The following ZNF114 variants were observed in gnomAD, a reference collection of about 807,000 sequenced individuals.
The protein encoded by ZNF114 is zinc finger protein 114 (Y18).
In ZNF114, 8 loss-of-function variants were observed where a neutral mutation model predicts 6.8. The ratio of observed to expected loss-of-function variants is 1.18; its 90% CI spans 0.69 to 2.13. The LOEUF (loss-of-function observed/expected upper bound fraction) is 2.13, where lower values mean the gene tolerates loss of function less well. ZNF114 is among the 30% of genes most tolerant of loss of function. The probability of loss-of-function intolerance (pLI) is 0.00; values close to 1 mark genes in which losing one functional copy is unlikely to be tolerated. For synonymous variants in ZNF114, 169 were observed against 185.5 expected (o/e 0.91, Z 0.72); for missense variants, 472 against 519.5 (o/e 0.91, Z 0.89).
chr19:48,286,950 G>C lies in ZNF114; in HGVS notation c.*72G>C. 6.8e-7 allele frequency: 1 copy of C among 1,469,608 alleles called. No individual in the cohort carries two copies. Among genetic ancestry groups the C allele is most frequent in the Non-Finnish European group, 9.1e-7 (1 of 1,102,186 alleles). The allele number at this position is 1,469,608 out of a possible 1,614,324, so 91.0% of individuals were successfully genotyped here. ...TGTGAGGAGGACATATTGGAAGGGA[G>C]CTCAAGGGGTTAGCATGAGTGAGAA... On this transcript the variant is annotated 3_prime_UTR_variant, in exon 6 of 6. Transcript: ENST00000595607.
At chr19:48,285,693 T>C in intron 5 of ZNF114, 68 bp from the exon 6 acceptor site, 1 of 1,504,906 alleles carries the variant, frequency 6.6e-7, no homozygotes, top group South Asian at 1.4e-5. Context: ...GGAGATTGCC[T>C]ATGTCATCAT....
In ZNF114 at chr19:48,286,937, A is replaced by G; in HGVS notation, c.*59A>G. 2 of 1,505,586 alleles carry G rather than the reference A, an allele frequency of 1.3e-6. No homozygotes were observed. Among genetic ancestry groups the G allele is most frequent in the African/African-American group, 1.4e-5 (1 of 71,534 alleles). The allele number at this position is 1,505,586 out of a possible 1,614,324, so 93.3% of individuals were successfully genotyped here. The stretch of plus-strand genomic sequence containing the variant: ...ACTGTACCAAACATGTGAGGAGGAC[A>G]TATTGGAAGGGAGCTCAAGGGGTTA... On this transcript the variant is annotated 3_prime_UTR_variant, in exon 6 of 6. Coordinates refer to ENST00000595607, the MANE Select transcript of ZNF114 (RefSeq NM_153608.4).
intron 1 of ZNF114, 21 bp from the exon 2 acceptor site, chr19:48,271,220 CCTGT>C (rs1235481067): frequency 3.3e-5 from 5 of 152,178 alleles, no homozygotes; most frequent in African/African-American, 7.2e-5. Flanking sequence ...GACTCCCCAA[CCTGT>C]CTGTTTCCGC....
At position 48,286,506 on chromosome 19, in the gene ZNF114, CAA is replaced by C; in HGVS notation, c.883_884del (p.Lys295GlufsTer10). On this transcript the variant is annotated frameshift_variant, in exon 6 of 6. Transcript: ENST00000595607. LOFTEE classifies it low-confidence loss of function (END_TRUNC). ...SANAPNSGSH[K>X]SHCTGEKTHK... ...CCAACGCTCCAAATTCCGGTTCACA[CAA>C]GAGTCATTGCACTGGAGAGAAAACC... is the stretch of plus-strand genomic sequence containing the variant. The C allele has an allele frequency of 6.2e-7, 1 of 1,614,182 alleles. No homozygotes were observed.
chr19:48,279,731 C>T lies in ZNF114; in HGVS notation c.-69C>T, dbSNP rs1003935770. 1 of 1,610,276 alleles carries T rather than the reference C, an allele frequency of 6.2e-7. No homozygotes were observed. The highest frequency in any genetic ancestry group is 1.3e-5 in the African/African-American group (1 of 74,952). ...CTCATAGCTCCATTCTTCTCCCAAG[C>T]TCTGCCTCACCTGCCTCCTTGAAGG... On this transcript the variant is annotated splice_region_variant and 5_prime_UTR_variant, in exon 4 of 6. Transcript: ENST00000595607.
intron 5 of ZNF114, among the ~76,000 whole-genome samples, chr19:48,285,544 G>GAAGA (rs72096751): frequency 3.5e-5 from 1 of 28,958 alleles, no homozygotes; most frequent in Non-Finnish European, 8.8e-5. Context: ...AGAGAGGAAA[G>GAAGA]AAGGAAGGAA....
At position 48,276,672 on chromosome 19, in the gene ZNF114, C is replaced by T. The variant is rs1034925325; in HGVS notation, c.-69-3059C>T. On this transcript the variant is annotated intron_variant, in intron 3 of 5. Transcript: ENST00000595607. ...CTGAGTAGCTGAGACTAGAGGCGCA[C>T]GCCAGCGTGCCCACCTAATTTTTAA... is the stretch of plus-strand genomic sequence containing the variant. 4.6e-5 allele frequency among the ~76,000 whole-genome samples: 7 copies of T among 152,278 alleles called. No individual in the cohort carries two copies. The East Asian group carries it at 7.8e-4, about 17-fold the overall frequency.
chr19:48,270,711 G>A (rs893204669), intron 1 of ZNF114, among the ~76,000 whole-genome samples: 2 of 140,986 alleles, frequency 1.4e-5, no homozygotes, highest in Admixed American at 7.0e-5. Flanking sequence ...GGAAAAGAAA[G>A]AAAGAGAAGA....
At chr19:48,283,114 C>T (rs1968035180) in intron 5 of ZNF114, among the ~76,000 whole-genome samples, 1 of 152,168 alleles carries the variant, frequency 6.6e-6, no homozygotes, top group Non-Finnish European at 1.5e-5. Flanking sequence ...CTCCTGGGCT[C>T]AAGCAATTCT....
Position 48,285,823 on chromosome 19 carries a change from A to T in ZNF114, c.199A>T (p.Thr67Ser), listed in dbSNP as rs1434451191. 1 of 1,614,050 alleles carries T rather than the reference A, an allele frequency of 6.2e-7. No homozygotes were observed. The highest frequency in any genetic ancestry group is 1.7e-5 in the Admixed American group (1 of 59,968). Reference protein sequence around the residue: ...TPQPDILPKRTFPEANRVCLT... With the variant: ...TPQPDILPKRSFPEANRVCLT... ...TCAGCCGGATATTCTTCCTAAAAGA[A>T]CATTTCCTGAAGCCAACAGAGTGTG... Residue 67 changes from threonine to serine, a missense_variant, in exon 6 of 6, where the codon ACA becomes TCA. Physicochemically the swap from Thr to Ser is moderately conservative, Grantham distance 58. Transcript: ENST00000595607.
intron 4 of ZNF114, 39 bp downstream of exon 4, chr19:48,279,847 C>A: frequency 6.2e-7 from 1 of 1,613,566 alleles, no homozygotes; most frequent in Non-Finnish European, 8.5e-7. Flanking sequence ...AGCGTGTTGT[C>A]GTTCCCACGA....
At chr19:48,270,700 A>G (rs1967632846) in intron 1 of ZNF114, among the ~76,000 whole-genome samples, 1 of 140,374 alleles carries the variant, frequency 7.1e-6, no homozygotes, top group African/African-American at 2.6e-5. Context: ...AGGGAGGGAG[A>G]GGAAAAGAAA....
chr19:48,275,507 G>T (rs1002125075), intron 3 of ZNF114, among the ~76,000 whole-genome samples: 1 of 151,586 alleles, frequency 6.6e-6, no homozygotes, highest in Non-Finnish European at 1.5e-5. Context: ...CTACTTGGGA[G>T]GCTAAGACAG....
chr19:48,277,069 G>A (rs1191706907), intron 3 of ZNF114, among the ~76,000 whole-genome samples: 2 of 152,196 alleles, frequency 1.3e-5, no homozygotes, highest in Non-Finnish European at 1.5e-5. Context: ...GCTGAGGCAG[G>A]AGAATTGCTT....
intron 3 of ZNF114, 68 bp from the exon 4 acceptor site, chr19:48,279,663 C>A (rs1002583250): frequency 1.1e-5 from 12 of 1,077,310 alleles, no homozygotes; most frequent in East Asian, 9.7e-5. Context: ...TAATGTCAGG[C>A]AGGATCCACA....
intron 4 of ZNF114, chr19:48,281,480 C>T (rs973750784): frequency 6.6e-6 from 1 of 151,602 alleles, no homozygotes; most frequent in Admixed American, 6.6e-5. Flanking sequence ...TGTTTCCCTC[C>T]CTCTGTCCAC....
intron 5 of ZNF114, 137 bp from the exon 6 acceptor site, chr19:48,285,624 G>A: frequency 3.2e-6 from 3 of 951,646 alleles, no homozygotes; most frequent in Non-Finnish European, 4.6e-6. Flanking sequence ...AGAAAGAAAG[G>A]ATGGAAGGAG....
Position 48,286,370 on chromosome 19 carries a change from A to AT in ZNF114, c.750dup (p.Thr251TyrfsTer10), listed in dbSNP as rs1381483876. 1 of 1,614,066 alleles carries AT rather than the reference A, an allele frequency of 6.2e-7. No homozygotes were observed. The highest frequency in any genetic ancestry group is 8.5e-7 in the Non-Finnish European group (1 of 1,180,056). ...ACTCATGGTCGAGAGAAAATGTATG[A>AT]TTTTACTCAGTGCGAGAACACCTCC... On this transcript the variant is annotated frameshift_variant, in exon 6 of 6. Transcript: ENST00000595607. LOFTEE classifies it low-confidence loss of function (END_TRUNC).
intron 3 of ZNF114, 60 bp from the exon 4 acceptor site, chr19:48,279,671 A>G (rs1967941185): frequency 2.0e-5 from 23 of 1,169,726 alleles, no homozygotes; most frequent in Non-Finnish European, 2.8e-5. Flanking sequence ...GGCAGGATCC[A>G]CATACGAGTG....
Sources: gnomAD v4.1 joint callset for allele counts (sites outside exome capture counted in the v4.1 genomes callset) on GRCh38, gnomAD v4.1.1 for gene constraint, MANE v1.5 for transcripts, NCBI Gene and HGNC (gene_info 2026-07-23, HGNC 2026-07-21) for gene names.